Variants in MYSM1 observed in about 807,000 individuals in gnomAD.
The protein encoded by MYSM1 is deubiquitinase MYSM1.
In MYSM1, 51 loss-of-function variants were observed where a neutral mutation model predicts 116.0. The ratio of observed to expected loss-of-function variants is 0.44; its 90% CI spans 0.35 to 0.56. MYSM1 has a LOEUF of 0.56. Ranked by LOEUF, MYSM1 falls within the 20% of genes least tolerant of loss-of-function variation. The pLI is 0.00. For missense variants in MYSM1, 900 were observed against 974.9 expected, an observed-to-expected ratio of 0.92 and a Z score of 1.02; for synonymous variants, 313 against 315.2, an observed-to-expected ratio of 0.99 and a Z score of 0.07.
Position 58,658,323 on chromosome 1 carries a change from A to G in MYSM1, c.*1674T>C, listed in dbSNP as rs6682078. 0.36 allele frequency: 54,614 copies of G among 151,880 alleles called. 10,114 individuals carry two copies. The highest frequency in any genetic ancestry group is 0.41 in the Non-Finnish European group (27,574 of 67,918). 9.4% of individuals were successfully genotyped at this position (151,880 alleles called of 1,614,324 possible). A position where few individuals can be genotyped will look rare whatever the true frequency, so the allele number is the denominator to read the frequency against. Reference sequence around the variant, plus strand: ...CCTAAGTGCACACAGAGAAATGGAAAAATACTACCCTTTTTTTTTTAAATG... The same window carrying G: ...CCTAAGTGCACACAGAGAAATGGAAGAATACTACCCTTTTTTTTTTAAATG... On this transcript the variant is annotated 3_prime_UTR_variant, in exon 20 of 20. Transcript: ENST00000472487.
At chr1:58,661,610 A>G in intron 17 of MYSM1, 99 bp from the exon 18 acceptor site, 3 of 657,702 alleles carry the variant, frequency 4.6e-6, no homozygotes, top group Non-Finnish European at 7.8e-6. Context: ...TTTTACAGCC[A>G]TAGCTTTGCA....
rs1178517911 is a variant in MYSM1 at position 58,669,051 on chromosome 1, A to C, written c.1662-13T>G. On this transcript the variant is annotated splice_polypyrimidine_tract_variant and intron_variant, in intron 12 of 19. Transcript: ENST00000472487. ...GGGATCAAACGAGCTGAAAAAGAAA[A>C]AAAATTTTCAATACAATCTCAACAA... The C allele has an allele frequency of 6.4e-7, 1 of 1,556,014 alleles. No individual in the cohort carries two copies. The highest frequency in any genetic ancestry group is 1.4e-5 in the African/African-American group (1 of 72,254).
intron 11 of MYSM1, among the ~76,000 whole-genome samples, chr1:58,673,234 C>A (rs1371265553): frequency 1.3e-5 from 2 of 152,098 alleles, no homozygotes; most frequent in East Asian, 3.9e-4. Context: ...ATGTCTAATG[C>A]TTAGAACAAT....
intron 2 of MYSM1, among the ~76,000 whole-genome samples, chr1:58,693,376 T>A (rs1186856508): frequency 2.0e-5 from 3 of 152,216 alleles, no homozygotes; most frequent in Admixed American, 2.0e-4. Flanking sequence ...TCATATCTCT[T>A]CTTCAAGCTC....
intron 2 of MYSM1, among the ~76,000 whole-genome samples, chr1:58,694,212 T>C (rs1644941001): frequency 6.6e-6 from 1 of 152,264 alleles, no homozygotes; most frequent in Non-Finnish European, 1.5e-5. Context: ...TACCTGTTTA[T>C]TACTTAACTC....
At chr1:58,662,781 G>C (rs1299351432) in intron 17 of MYSM1, among the ~76,000 whole-genome samples, 1 of 152,026 alleles carries the variant, frequency 6.6e-6, no homozygotes, top group Admixed American at 6.6e-5. Flanking sequence ...CAGCAAGCCT[G>C]ATGATGATGA....
chr1:58,668,507 T>G, intron 14 of MYSM1, 125 bp downstream of exon 14: 2 of 1,373,104 alleles, frequency 1.5e-6, no homozygotes, highest in Non-Finnish European at 1.9e-6. Flanking sequence ...ATTTTTAGAT[T>G]CCTTGTAAAA....
Position 58,677,059 on chromosome 1 carries a change from A to G in MYSM1, c.1260-3T>C, listed in dbSNP as rs1644664935. On this transcript the variant is annotated splice_polypyrimidine_tract_variant and splice_region_variant and intron_variant, in intron 8 of 19. Transcript: ENST00000472487. The stretch of plus-strand genomic sequence containing the variant: ...AGTATTTTGGTTTGCATATCTCCCT[A>G]ATTAAGAGACAGAAGTACAATTATT... 1 of 1,593,848 alleles carries G rather than the reference A, an allele frequency of 6.3e-7. No homozygotes were observed. Among genetic ancestry groups the G allele is most frequent in the African/African-American group, 1.4e-5 (1 of 73,872 alleles).
Position 58,669,038 on chromosome 1 carries a change from G to A in MYSM1, c.1662C>T (p.Ser554=), listed in dbSNP as rs1644516327. The change falls in exon 13 of 20, where the codon AGC becomes AGT. Residue 554 remains serine (S), a splice_region_variant and synonymous_variant. Coordinates refer to ENST00000472487, the MANE Select transcript of MYSM1 (RefSeq NM_001085487.3). ...KSLKVPRPTK[S]SFDPFQLIPC... ...GTATCAGTTGGAAGGGATCAAACGA[G>A]CTGAAAAAGAAAAAAAATTTTCAAT... The A allele has an allele frequency of 6.3e-7, 1 of 1,581,294 alleles. No individual in the cohort carries two copies. Among genetic ancestry groups the A allele is most frequent in the Non-Finnish European group, 8.6e-7 (1 of 1,169,012 alleles).
chr1:58,660,160 TTGA>T lies in MYSM1; in HGVS notation c.2329-8_2329-6del. On this transcript the variant is annotated splice_region_variant and splice_polypyrimidine_tract_variant and intron_variant, in intron 19 of 19. Transcript: ENST00000472487. ...CTTCCTCATACACTCCAAAAGCTAG[TTGA>T]AAAGAAAAGTTTTATATTTAAATAC... 1 of 1,523,710 alleles carries T rather than the reference TTGA, an allele frequency of 6.6e-7. No individual in the cohort carries two copies. The highest frequency in any genetic ancestry group is 8.8e-7 in the Non-Finnish European group (1 of 1,136,340). 94.4% of individuals were successfully genotyped at this position (1,523,710 alleles called of 1,614,324 possible).
Position 58,668,740 on chromosome 1 carries a change from C to T in MYSM1, c.1717-58G>A, listed in dbSNP as rs1557508384. 6.1e-6 allele frequency: 9 copies of T among 1,481,418 alleles called. No individual in the cohort carries two copies. In the East Asian group the frequency reaches 2.2e-4, roughly 36 times the overall value. The allele number at this position is 1,481,418 out of a possible 1,614,324, so 91.8% of individuals were successfully genotyped here. On this transcript the variant is annotated intron_variant, in intron 13 of 19. Transcript: ENST00000472487. ...GCATAAAAATAGAGATTTTTGTTTT[C>T]CCCACCTGGAATGCCCACCCTGTTC...
rs755630861 is a variant in MYSM1 at position 58,655,097 on chromosome 1, A to AACTT, written c.*4896_*4899dup. The AACTT allele has an allele frequency of 1.3e-5, 2 of 152,206 alleles. No individual in the cohort carries two copies. The highest frequency in any genetic ancestry group is 2.9e-5 in the Non-Finnish European group (2 of 68,004). The allele number at this position is 152,206 out of a possible 1,614,324, so 9.4% of individuals were successfully genotyped here. On this transcript the variant is annotated 3_prime_UTR_variant, in exon 20 of 20. Transcript: ENST00000472487. ...TAACCATGCCATATGTTTAGTAACT[A>AACTT]ACTTACTTATACACAACACATAATT...
At chr1:58,666,575 TC>T (rs1644473088) in intron 16 of MYSM1, among the ~76,000 whole-genome samples, 1 of 62,434 alleles carries the variant, frequency 1.6e-5, no homozygotes, top group African/African-American at 5.7e-5. Flanking sequence ...GTATTTTTTT[TC>T]TTTTTTTTTT....
rs190568384 is a variant in MYSM1, at chr1:58,681,378, A to T, written c.1259+407T>A. 3.9e-5 allele frequency among the ~76,000 whole-genome samples: 6 copies of T among 152,334 alleles called. No homozygotes were observed. In the East Asian group the frequency reaches 9.6e-4, roughly 24 times the overall value. ...AAAAGCATTTAAGATCACTATTTAG[A>T]AGTGTTTCTGCAATCTGGCCACATT... is the stretch of plus-strand genomic sequence containing the variant. On this transcript the variant is annotated intron_variant, in intron 8 of 19. Coordinates refer to ENST00000472487, the MANE Select transcript of MYSM1 (RefSeq NM_001085487.3).
chr1:58,693,099 T>C (rs937739810), intron 2 of MYSM1, among the ~76,000 whole-genome samples, 168 bp from the exon 3 acceptor site: 3 of 152,234 alleles, frequency 2.0e-5, no homozygotes, highest in African/African-American at 7.2e-5. Context: ...TAGGCATTAA[T>C]ACTTTACAGA....
In MYSM1 at chr1:58,663,435, T is replaced by C. The variant is rs181671620; in HGVS notation, c.2165-1924A>G. On this transcript the variant is annotated intron_variant, in intron 17 of 19. Coordinates refer to ENST00000472487, the MANE Select transcript of MYSM1 (RefSeq NM_001085487.3). The stretch of plus-strand genomic sequence containing the variant: ...AGAAAACATTAAACCATTAGAGATA[T>C]TGTAAAGATATGACCTGAGTTAAAA... Among the ~76,000 whole-genome samples, 187 of 152,292 alleles carry C rather than the reference T, an allele frequency of 1.2e-3. 1 individual carries two copies. The highest frequency in any genetic ancestry group is 3.4e-3 in the Middle Eastern group (1 of 294).
rs1311229178 is a variant in MYSM1, at chr1:58,656,966, G to C, written c.*3031C>G. On this transcript the variant is annotated 3_prime_UTR_variant, in exon 20 of 20. Coordinates refer to ENST00000472487, the MANE Select transcript of MYSM1 (RefSeq NM_001085487.3). ...ATTTTGTATGGAAGAAGGGGTCTAA[G>C]ATGGCAAAACTATCTAGGGCCCACA... is the stretch of plus-strand genomic sequence containing the variant. The C allele has an allele frequency of 1.3e-5, 2 of 152,234 alleles. No homozygotes were observed. The highest frequency in any genetic ancestry group is 1.9e-4 in the East Asian group (1 of 5,180). The allele number at this position is 152,234 out of a possible 1,614,324, so 9.4% of individuals were successfully genotyped here.
chr1:58,681,222 T>C (rs1246325669), intron 8 of MYSM1, among the ~76,000 whole-genome samples: 1 of 152,218 alleles, frequency 6.6e-6, no homozygotes, highest in Admixed American at 6.5e-5. Flanking sequence ...GTTTGTTCCC[T>C]AAGCTTCATT....
At position 58,689,079 on chromosome 1, in the gene MYSM1, T is replaced by C; in HGVS notation, c.358A>G (p.Lys120Glu). 1 of 1,611,916 alleles carries C rather than the reference T, an allele frequency of 6.2e-7. No individual in the cohort carries two copies. Among genetic ancestry groups the C allele is most frequent in the Non-Finnish European group, 8.5e-7 (1 of 1,179,566 alleles). ...SPTKPASYSV[K>E]WTIEEKELFE... ...AGCTCTTTTTCTTCTATCGTCCACT[T>C]TACTGAGTAACTGGCTGGTTTTGTA... The change falls in exon 6 of 20, where the codon AAG becomes GAG. Residue 120 changes from lysine (K) to glutamate (E), a missense_variant. Lys to Glu is a moderately conservative substitution (Grantham distance 56). This residue lies in a region of MYSM1 where 622 missense variants were observed against 623.7 expected (regional missense o/e 1.00). Transcript: ENST00000472487.
Sources: gnomAD v4.1 joint callset for allele counts (sites outside exome capture counted in the v4.1 genomes callset) on GRCh38, gnomAD v4.1.1 for gene constraint, gnomAD v4.1.1 regional missense constraint, MANE v1.5 for transcripts, NCBI Gene and HGNC (gene_info 2026-07-23, HGNC 2026-07-21) for gene names.